NAV1: variants seen among roughly 807,000 people sequenced by gnomAD.
NAV1 encodes the protein pore membrane and/or filament interacting like protein 3.
NAV1 carries 18 observed loss-of-function variants against 175.2 expected under a neutral mutation model. The observed-to-expected ratio is 0.10, with a 90% CI of 0.07 to 0.15. The LOEUF is 0.15. NAV1 is among the 10% of genes least tolerant of loss of function. NAV1 has a pLI of 1.00. For synonymous variants in NAV1, 897 were observed against 978.7 expected (o/e 0.92, Z 1.56); for missense variants, 1,731 against 2,436.6 (o/e 0.71, Z 6.10).
At chr1:201,659,434 A>T (rs1157564055) in intron 1 of NAV1, among the ~76,000 whole-genome samples, 1 of 152,194 alleles carries the variant, frequency 6.6e-6, no homozygotes, top group East Asian at 1.9e-4. Context: ...TGGGCAACAA[A>T]GCAAGACTAC....
intron 3 of NAV1, among the ~76,000 whole-genome samples, chr1:201,761,165 AAAG>A (rs2102633559): frequency 6.6e-6 from 1 of 152,230 alleles, no homozygotes; most frequent in East Asian, 1.9e-4. Context: ...TAGAAACACT[AAAG>A]AAGACGTTGG....
rs1167327408 is a variant in NAV1, at chr1:201,807,154, A to G, written c.3649-799A>G. Among the ~76,000 whole-genome samples, 2 of 152,108 alleles carry G rather than the reference A, an allele frequency of 1.3e-5. No homozygotes were observed. The highest frequency in any genetic ancestry group is 6.6e-5 in the Admixed American group (1 of 15,256). ...CTCTAGCTCACATCCCTAACACCCA[A>G]GCTCATCAACACCAAGATCAAACAA... On this transcript the variant is annotated intron_variant, in intron 17 of 29. Transcript: ENST00000367296. The surrounding 1 kb of genome is among the most constrained non-coding windows in gnomAD (Gnocchi z 5.4).
intron 3 of NAV1, among the ~76,000 whole-genome samples, chr1:201,729,190 G>A (rs1276665384): frequency 6.6e-6 from 1 of 152,206 alleles, no homozygotes; most frequent in African/African-American, 2.4e-5. Context: ...GAAATTCCAT[G>A]TAGTCTGATA....
rs534285799 is a variant in NAV1 at position 201,756,809 on chromosome 1, C to CTTCTTTCT, written c.1227-23543_1227-23536dup. Among the ~76,000 whole-genome samples, 195 of 26,946 alleles carry CTTCTTTCT rather than the reference C, an allele frequency of 7.2e-3. 3 individuals are homozygous for CTTCTTTCT. The highest frequency in any genetic ancestry group is 0.013 in the African/African-American group (151 of 11,974). The allele number at this position is 26,946 out of a possible 152,430, so 17.7% of individuals were successfully genotyped here. On this transcript the variant is annotated intron_variant, in intron 3 of 29. Coordinates refer to ENST00000367296, the Ensembl canonical transcript of NAV1. ...ATGAGCAATTCTCTTTCTTTCTTTC[C>CTTCTTTCT]TTCTTTCTTTCTTTCTTTCTTTCTT...
At chr1:201,623,565 G>A (rs1358910808) in exon 1 of NAV1, 3 of 986,488 alleles carry the variant, frequency 3.0e-6, no homozygotes, top group African/African-American at 1.7e-5. Context: ...TCCATCAGCA[G>A]AGTCAGCCAG....
chr1:201,805,970 G>A (rs1678250057), intron 17 of NAV1, among the ~76,000 whole-genome samples: 1 of 148,046 alleles, frequency 6.8e-6, no homozygotes, highest in African/African-American at 2.5e-5. Flanking sequence ...GAGAAGTACT[G>A]CATTTTCTCT....
upstream of NAV1, among the ~76,000 whole-genome samples, chr1:201,647,029 G>A (rs182193258): frequency 3.0e-4 from 45 of 152,296 alleles, no homozygotes; most frequent in East Asian, 8.1e-3. Flanking sequence ...ATAATCTGAT[G>A]GTTAGACATT....
At chr1:201,781,233 G>A in exon 5 of NAV1, 2 of 1,613,966 alleles carry the variant, frequency 1.2e-6, no homozygotes, top group Non-Finnish European at 1.7e-6. Flanking sequence ...CTGGTTCCCT[G>A]AAGAAGGGCA....
intron 2 of NAV1, among the ~76,000 whole-genome samples, chr1:201,607,408 C>A (rs914723411): frequency 1.5e-4 from 23 of 151,450 alleles, no homozygotes; most frequent in Non-Finnish European, 1.6e-4. Flanking sequence ...AGCTGCCATG[C>A]CAGGCCAAAT....
chr1:201,554,577 C>T (rs902216802), intron 1 of NAV1, among the ~76,000 whole-genome samples: 3 of 152,120 alleles, frequency 2.0e-5, no homozygotes, highest in Non-Finnish European at 4.4e-5. Context: ...AAAGGAAAAC[C>T]GAACAGGACT....
intron 3 of NAV1, among the ~76,000 whole-genome samples, chr1:201,728,626 GA>G (rs1190504723): frequency 5.4e-5 from 8 of 148,058 alleles, no homozygotes; most frequent in East Asian, 2.0e-4. Flanking sequence ...GAAAAGAAAA[GA>G]AAAAAAAGAC....
At chr1:201,637,966 T>C (rs1668654412) in intron 2 of NAV1, among the ~76,000 whole-genome samples, 1 of 152,222 alleles carries the variant, frequency 6.6e-6, no homozygotes, top group Non-Finnish European at 1.5e-5. Flanking sequence ...CTGGACTTCT[T>C]ATCCTGGGCT....
chr1:201,661,583 T>A (rs1669616424), intron 1 of NAV1, among the ~76,000 whole-genome samples: 1 of 152,162 alleles, frequency 6.6e-6, no homozygotes. Context: ...ACTGTTGATC[T>A]TGAATAAGCC....
Position 201,653,444 on chromosome 1 carries a change from G to A in NAV1, c.757+4019G>A, listed in dbSNP as rs548532562. Among the ~76,000 whole-genome samples the A allele has an allele frequency of 6.6e-5, 10 of 152,074 alleles. No homozygotes were observed. In the South Asian group the frequency reaches 1.7e-3, roughly 25 times the overall value. ...TGAAGTGCAGGCCAAGTAGAAATGAGGAAGAAAGGCAGGAAGCTATTCATT... is the reference window on the plus strand; with the variant it reads ...TGAAGTGCAGGCCAAGTAGAAATGAAGAAGAAAGGCAGGAAGCTATTCATT... On this transcript the variant is annotated intron_variant, in intron 1 of 29. Transcript: ENST00000367296.
chr1:201,768,406 G>A (rs1675348987), intron 3 of NAV1, among the ~76,000 whole-genome samples: 1 of 151,218 alleles, frequency 6.6e-6, no homozygotes, highest in Non-Finnish European at 1.5e-5. Context: ...GGGAGTCCAA[G>A]GCAGGCAGAT....
chr1:201,658,039 G>A (rs763794007), intron 1 of NAV1, among the ~76,000 whole-genome samples: 1 of 152,052 alleles, frequency 6.6e-6, no homozygotes, highest in Non-Finnish European at 1.5e-5. Context: ...TGTGAATACA[G>A]GTAATCTGCC....
At chr1:201,756,880 CT>C (rs1393020295) in intron 3 of NAV1, among the ~76,000 whole-genome samples, 22 of 109,004 alleles carry the variant, frequency 2.0e-4, no homozygotes, top group African/African-American at 8.0e-4. Context: ...TTCTTTCTTT[CT>C]TTCTCTGTCT....
At chr1:201,786,671 T>A (rs1282977794) in intron 9 of NAV1, 94 bp downstream of exon 13, 1 of 1,261,606 alleles carries the variant, frequency 7.9e-7, no homozygotes, top group Non-Finnish European at 1.1e-6. Context: ...TTTCATCTCA[T>A]GTTTGACTCA....
intron 3 of NAV1, among the ~76,000 whole-genome samples, chr1:201,741,535 C>T (rs1273810464): frequency 6.6e-6 from 1 of 152,290 alleles, no homozygotes; most frequent in East Asian, 1.9e-4. Flanking sequence ...AACCTCCTCT[C>T]CTCCCTCCAC....
Sources: gnomAD v4.1 joint callset for allele counts (sites outside exome capture counted in the v4.1 genomes callset) on GRCh38, gnomAD v4.1.1 for gene constraint, Gnocchi (gnomAD v3.1) non-coding constraint, MANE v1.5 for transcripts, NCBI Gene and HGNC (gene_info 2026-07-23, HGNC 2026-07-21) for gene names.